Variants in COG5 observed in about 807,000 individuals in gnomAD.
COG5 encodes the protein conserved oligomeric Golgi complex subunit 5.
In COG5, 86 loss-of-function variants were observed where a neutral mutation model predicts 110.4. The observed-to-expected ratio is 0.78, with a 90% CI of 0.65 to 0.93. COG5 has a LOEUF of 0.93. Among genes scored for constraint, COG5 ranks in the 40% least tolerant of loss-of-function variants. The pLI is 0.00. For missense variants in COG5, 1,077 were observed against 987.0 expected (o/e 1.09, Z -1.22); for synonymous variants, 360 against 334.6 (o/e 1.08, Z -0.83).
chr7:107,406,358 A>C (rs1176868129), intron 7 of COG5, among the ~76,000 whole-genome samples: 2 of 152,208 alleles, frequency 1.3e-5, no homozygotes, highest in African/African-American at 4.8e-5. Context: ...TATTAGAAAT[A>C]GGCCACTGGT....
At chr7:107,211,299 C>CCCA in intron 19 of COG5, 74 bp from the exon 20 acceptor site, 1 of 1,526,572 alleles carries the variant, frequency 6.6e-7, no homozygotes, top group East Asian at 2.3e-5. Flanking sequence ...GAATCATTCT[C>CCCA]CTTGTAGAAT....
rs568576071 is a variant in COG5 at position 107,362,454 on chromosome 7, A to C, written c.836-34T>G. 21 of 1,371,432 alleles carry C rather than the reference A, an allele frequency of 1.5e-5. No individual in the cohort carries two copies. In the African/African-American group the frequency reaches 2.6e-4, roughly 17 times the overall value. 85.0% of individuals were successfully genotyped at this position (1,371,432 alleles called of 1,614,324 possible). A position where few individuals can be genotyped will look rare whatever the true frequency, so the allele number is the denominator to read the frequency against. ...GAGTGAGAAAGAACAATGAAAAATAAAGTTTTCCAAAGGCAAATATATATA... is the reference window on the plus strand; with the variant it reads ...GAGTGAGAAAGAACAATGAAAAATACAGTTTTCCAAAGGCAAATATATATA... On this transcript the variant is annotated intron_variant, in intron 8 of 21. Coordinates refer to ENST00000297135, the MANE Select transcript of COG5 (RefSeq NM_006348.5).
intron 6 of COG5, among the ~76,000 whole-genome samples, chr7:107,512,502 C>A (rs1011529969): frequency 2.5e-4 from 38 of 152,240 alleles, no homozygotes; most frequent in Admixed American, 1.6e-3. Flanking sequence ...ATGCCATCCC[C>A]ATCAAGCTAC....
chr7:107,446,622 A>G (rs182034281), intron 6 of COG5, among the ~76,000 whole-genome samples: 6 of 152,122 alleles, frequency 3.9e-5, no homozygotes, highest in African/African-American at 7.2e-5. Flanking sequence ...ACATGCTCTC[A>G]CTGTCTCTCT....
At chr7:107,285,180 G>A (rs1805521306) in intron 12 of COG5, among the ~76,000 whole-genome samples, 1 of 152,114 alleles carries the variant, frequency 6.6e-6, no homozygotes, top group Non-Finnish European at 1.5e-5. Flanking sequence ...GAAATTGGCA[G>A]GTAAAATGCT....
chr7:107,364,184 A>C lies in COG5; in HGVS notation c.836-1764T>G, dbSNP rs142401841. On this transcript the variant is annotated intron_variant, in intron 8 of 21. Coordinates refer to ENST00000297135, the MANE Select transcript of COG5 (RefSeq NM_006348.5). ...GGAAGTACACAACATCATCTTACCA[A>C]TAGTATGTTTACCCTGAAGCTAATC... 6.8e-4 allele frequency among the ~76,000 whole-genome samples: 104 copies of C among 152,342 alleles called. 1 individual carries two copies. The highest frequency in any genetic ancestry group is 1.2e-4 in the Non-Finnish European group (8 of 68,028).
chr7:107,363,174 G>T (rs1813275695), intron 8 of COG5, among the ~76,000 whole-genome samples: 1 of 152,102 alleles, frequency 6.6e-6, no homozygotes, highest in African/African-American at 2.4e-5. Flanking sequence ...AAGTCAGAGA[G>T]ACAATGGTTC....
intron 5 of COG5, among the ~76,000 whole-genome samples, chr7:107,542,367 T>C (rs1307840211): frequency 6.6e-6 from 1 of 152,196 alleles, no homozygotes; most frequent in Non-Finnish European, 1.5e-5. Context: ...CTAACAAGTT[T>C]GACAACACTA....
chr7:107,532,882 T>C (rs1323971621), intron 5 of COG5, among the ~76,000 whole-genome samples: 2 of 152,226 alleles, frequency 1.3e-5, no homozygotes, highest in Admixed American at 1.3e-4. Flanking sequence ...AGCTGAATTA[T>C]ATTTCTTTGC....
In COG5 at chr7:107,528,325, G is replaced by A. The variant is rs541505469; in HGVS notation, c.418-968C>T. Among the ~76,000 whole-genome samples the A allele has an allele frequency of 9.9e-5, 15 of 152,250 alleles. No individual in the cohort carries two copies. The South Asian group carries it at 1.2e-3, about 13-fold the overall frequency. On this transcript the variant is annotated intron_variant, in intron 5 of 21. Transcript: ENST00000297135. The stretch of plus-strand genomic sequence containing the variant: ...GCTGCTCTCAAACTACTGGGCTCAG[G>A]TGAACCTCCCACATCAGACTCCCAA...
rs183284780 is a variant in COG5, at chr7:107,247,887, A to G, written c.1853+509T>C. On this transcript the variant is annotated intron_variant, in intron 17 of 21. Coordinates refer to ENST00000297135, the MANE Select transcript of COG5 (RefSeq NM_006348.5). ...CATAACCTCCGAGGAAGAAAAATCA[A>G]TCTTGGAGGAGGTTGGGCTGCAGCT... is the stretch of plus-strand genomic sequence containing the variant. Among the ~76,000 whole-genome samples the G allele has an allele frequency of 1.1e-3, 175 of 152,320 alleles. 2 individuals carry two copies. Among genetic ancestry groups the G allele is most frequent in the South Asian group, 2.3e-3 (11 of 4,826 alleles).
chr7:107,416,915 G>A (rs1242831118), intron 6 of COG5, among the ~76,000 whole-genome samples: 2 of 152,112 alleles, frequency 1.3e-5, no homozygotes, highest in Admixed American at 1.3e-4. Flanking sequence ...AGAAGTCAGA[G>A]GAATATTAAA....
rs532222897 is a variant in COG5 at position 107,559,424 on chromosome 7, CT to C, written c.95-1310del. Among the ~76,000 whole-genome samples, 448 of 152,264 alleles carry C rather than the reference CT, an allele frequency of 2.9e-3. 4 individuals are homozygous for C. Among genetic ancestry groups the C allele is most frequent in the Non-Finnish European group, 4.8e-3 (325 of 68,016 alleles). On this transcript the variant is annotated intron_variant, in intron 1 of 21. Transcript: ENST00000297135. The stretch of plus-strand genomic sequence containing the variant: ...ATTATGAAACAAACAAAATAGAGTA[CT>C]TTTAAGAAAACCTAAATTGTCTACA...
intron 6 of COG5, among the ~76,000 whole-genome samples, chr7:107,491,531 C>T (rs1377529817): frequency 6.6e-6 from 1 of 152,166 alleles, no homozygotes; most frequent in East Asian, 1.9e-4. Flanking sequence ...TGTTCTATTA[C>T]TTCTCCCAGG....
rs146391348 is a variant in COG5 at position 107,563,830 on chromosome 7, C to G, written c.67G>C (p.Ala23Pro). ...LGARGSGAAAATVRELLQDGC... is the reference protein window; with the variant it reads ...LGARGSGAAAPTVRELLQDGC... ...TCCTGCAGAAGTTCCCGGACTGTAG[C>G]TGCAGCCGCTCCAGAGCCTCGAGCT... Residue 23 changes from alanine to proline, a missense_variant, in exon 1 of 22, where the codon GCT becomes CCT. By Grantham distance (27) the Ala-to-Pro change is conservative (BLOSUM62 -1). Transcript: ENST00000297135. 231 of 1,613,694 alleles carry G rather than the reference C, an allele frequency of 1.4e-4. 1 individual carries two copies. Among genetic ancestry groups the G allele is most frequent in the Non-Finnish European group, 1.8e-4 (216 of 1,179,930 alleles).
chr7:107,349,785 C>A (rs1317167442), intron 10 of COG5, among the ~76,000 whole-genome samples: 1 of 152,162 alleles, frequency 6.6e-6, no homozygotes, highest in African/African-American at 2.4e-5. Context: ...GTCTCGATCT[C>A]CTGACCTGGT....
At chr7:107,218,527 T>C (rs1410055576) in intron 19 of COG5, among the ~76,000 whole-genome samples, 3 of 152,006 alleles carry the variant, frequency 2.0e-5, no homozygotes, top group East Asian at 1.9e-4. Context: ...GAACAGAACA[T>C]AGAGCCCATA....
intron 19 of COG5, among the ~76,000 whole-genome samples, chr7:107,219,632 T>G (rs555556447): frequency 6.6e-6 from 1 of 151,746 alleles, no homozygotes; most frequent in Non-Finnish European, 1.5e-5. Context: ...TCTTAAACAA[T>G]AGAACTCATA....
chr7:107,362,452 TAA>T, intron 8 of COG5, 32 bp from the exon 9 acceptor site: 1 of 1,487,232 alleles, frequency 6.7e-7, no homozygotes, highest in Non-Finnish European at 9.3e-7. Flanking sequence ...CAATGAAAAA[TAA>T]AGTTTTCCAA....
Sources: allele counts gnomAD v4.1 joint callset (sites outside exome capture counted in the v4.1 genomes callset), GRCh38; gene constraint gnomAD v4.1.1; transcripts MANE v1.5; gene names NCBI Gene and HGNC (gene_info 2026-07-23, HGNC 2026-07-21).